PRKN: variants seen among roughly 807,000 people sequenced by gnomAD.
PRKN encodes parkin RBR E3 ubiquitin protein ligase.
In PRKN, 56 loss-of-function variants were observed where a neutral mutation model predicts 59.5. That is an observed-to-expected ratio of 0.94 (90% CI 0.76 to 1.18). PRKN has a LOEUF of 1.18. PRKN is among the 50% of genes most tolerant of loss of function. The pLI is 0.00. For synonymous variants in PRKN, 250 were observed against 222.1 expected, an observed-to-expected ratio of 1.13 and a Z score of -1.12; for missense variants, 657 against 596.4, an observed-to-expected ratio of 1.10 and a Z score of -1.06.
intron 7 of PRKN, among the ~76,000 whole-genome samples, chr6:161,758,741 C>A (rs2128197598): frequency 6.6e-6 from 1 of 152,240 alleles, no homozygotes; most frequent in African/African-American, 2.4e-5. Flanking sequence ...ATCAGGAAGT[C>A]AAAGCTCAGA....
intron 2 of PRKN, among the ~76,000 whole-genome samples, chr6:162,441,147 G>A (rs1032673185): frequency 6.6e-6 from 1 of 151,848 alleles, no homozygotes; most frequent in Non-Finnish European, 1.5e-5. Context: ...GTACTCAGCT[G>A]GCATCAACTC....
chr6:162,189,008 T>C (rs563661109), intron 4 of PRKN, among the ~76,000 whole-genome samples: 16 of 151,824 alleles, frequency 1.1e-4, no homozygotes, highest in South Asian at 8.4e-4. Flanking sequence ...TTGATTCCTA[T>C]TCTAATTATC....
At chr6:162,314,063 G>C (rs1782646261) in intron 2 of PRKN, among the ~76,000 whole-genome samples, 1 of 152,094 alleles carries the variant, frequency 6.6e-6, no homozygotes, top group African/African-American at 2.4e-5. Flanking sequence ...CACCACCCAA[G>C]TCAAGACACA....
Position 161,593,936 on chromosome 6 carries a change from G to C in PRKN, c.872-24520C>G, listed in dbSNP as rs1007882962. ...GGAGGCTGAGGTGGGCAGATCACGA[G>C]GTCAGGAGTTTGAGACCAGCCTGGC... On this transcript the variant is annotated intron_variant, in intron 7 of 11. Transcript: ENST00000366898. This position sits in a 1 kb window ranked among gnomAD's most constrained non-coding sequence, Gnocchi z 4.8. Among the ~76,000 whole-genome samples the C allele has an allele frequency of 4.6e-5, 7 of 151,778 alleles. No individual in the cohort carries two copies. The highest frequency in any genetic ancestry group is 1.0e-4 in the Non-Finnish European group (7 of 67,968).
At chr6:162,180,303 G>T (rs1783744070) in intron 4 of PRKN, among the ~76,000 whole-genome samples, 1 of 152,082 alleles carries the variant, frequency 6.6e-6, no homozygotes, top group South Asian at 2.1e-4. Context: ...TAATTGCATT[G>T]TGTGTAACTC....
chr6:162,613,298 C>G (rs2128219301), intron 1 of PRKN, among the ~76,000 whole-genome samples: 1 of 152,184 alleles, frequency 6.6e-6, no homozygotes, highest in East Asian at 1.9e-4. Context: ...CCAAAGTAAA[C>G]CTGTTTTTTA....
In PRKN at chr6:162,018,894, T is replaced by C. The variant is rs141073758; in HGVS notation, c.618+35197A>G. On this transcript the variant is annotated intron_variant, in intron 5 of 11. Coordinates refer to ENST00000366898, the MANE Select transcript of PRKN (RefSeq NM_004562.3). ...CACTACACTTAGCAAGTCACCTGTT[T>C]TTATATTATTATTTTCTCATAATTT... is the stretch of plus-strand genomic sequence containing the variant. Among the ~76,000 whole-genome samples the C allele has an allele frequency of 2.3e-3, 354 of 152,306 alleles. 4 individuals are homozygous for C. Among genetic ancestry groups the C allele is most frequent in the African/African-American group, 8.0e-3 (332 of 41,560 alleles).
chr6:161,450,662 T>C (rs1350359889), intron 9 of PRKN, among the ~76,000 whole-genome samples: 4 of 152,116 alleles, frequency 2.6e-5, no homozygotes, highest in Admixed American at 2.6e-4. Context: ...GTTCAAGTGA[T>C]TCTCCTGCCT....
intron 1 of PRKN, among the ~76,000 whole-genome samples, chr6:162,573,194 C>G (rs1780420719): frequency 1.3e-5 from 2 of 152,166 alleles, no homozygotes; most frequent in Admixed American, 6.5e-5. Context: ...CTGAATCACT[C>G]ATTCCAATGG....
chr6:162,201,198 CTT>C lies in PRKN; in HGVS notation c.465_466del (p.Arg156SerfsTer29), dbSNP rs764358789. The C allele has an allele frequency of 6.2e-7, 1 of 1,614,076 alleles. No homozygotes were observed. The highest frequency in any genetic ancestry group is 8.5e-7 in the Non-Finnish European group (1 of 1,179,950). ...TACCCTGAGTTTTCCCGGCTGCACT[CTT>C]TGACAGGGGCCTTTGCAATACACAT... On this transcript the variant is annotated frameshift_variant, in exon 4 of 12. Transcript: ENST00000366898. LOFTEE classifies it high-confidence loss of function.
At chr6:162,100,545 G>A (rs540724292) in intron 4 of PRKN, among the ~76,000 whole-genome samples, 54 of 151,264 alleles carry the variant, frequency 3.6e-4, no homozygotes, top group African/African-American at 1.2e-3. Context: ...GAGTTCAAGC[G>A]ATTCTCCTGC....
intron 1 of PRKN, among the ~76,000 whole-genome samples, chr6:162,629,746 T>A (rs1229328416): frequency 6.6e-6 from 1 of 152,168 alleles, no homozygotes; most frequent in Non-Finnish European, 1.5e-5. Flanking sequence ...GTATTTCATA[T>A]AAGCCATATC....
chr6:162,152,314 A>G (rs1273508864), intron 4 of PRKN, among the ~76,000 whole-genome samples: 1 of 152,148 alleles, frequency 6.6e-6, no homozygotes, highest in Non-Finnish European at 1.5e-5. Context: ...ATTTTCATCC[A>G]AAGTCACCTC....
At chr6:161,969,344 G>GGTA (rs1038473843) in intron 6 of PRKN, among the ~76,000 whole-genome samples, 4 of 150,408 alleles carry the variant, frequency 2.7e-5, no homozygotes, top group Non-Finnish European at 5.9e-5. Context: ...AGACAGCCAA[G>GGTA]GTACCCAAGG....
rs1273758413 is a variant in PRKN at position 161,407,808 on chromosome 6, A to G, written c.1084-20931T>C. ...TATGACTTGTTCTGGCCCTGCCCCA[A>G]CTGATCAGTTGACCTTGTGACATTC... On this transcript the variant is annotated intron_variant, in intron 9 of 11. Transcript: ENST00000366898. This position sits in a 1 kb window ranked among gnomAD's most constrained non-coding sequence, Gnocchi z 4.9. Among the ~76,000 whole-genome samples the G allele has an allele frequency of 6.6e-6, 1 of 152,130 alleles. No homozygotes were observed. The highest frequency in any genetic ancestry group is 1.5e-5 in the Non-Finnish European group (1 of 68,020).
intron 1 of PRKN, among the ~76,000 whole-genome samples, chr6:162,615,879 T>C (rs1048120181): frequency 6.6e-6 from 1 of 152,228 alleles, no homozygotes; most frequent in Admixed American, 6.5e-5. Flanking sequence ...TCAGAAGGAC[T>C]TACTGATCAC....
chr6:161,440,270 C>T lies in PRKN; in HGVS notation c.1084-53393G>A, dbSNP rs1789146603. On this transcript the variant is annotated intron_variant, in intron 9 of 11. Transcript: ENST00000366898. The surrounding 1 kb of genome is among the most constrained non-coding windows in gnomAD (Gnocchi z 4.1). Reference sequence around the variant, plus strand: ...GCCTGGCCTGGCCCTAAGTTTTTACCCTTCCCATTATGTCAGAAGTTCTCA... The same window carrying T: ...GCCTGGCCTGGCCCTAAGTTTTTACTCTTCCCATTATGTCAGAAGTTCTCA... 6.6e-6 allele frequency among the ~76,000 whole-genome samples: 1 copy of T among 152,120 alleles called. No homozygotes were observed.
intron 1 of PRKN, among the ~76,000 whole-genome samples, chr6:162,683,558 T>G (rs1415201532): frequency 6.6e-6 from 1 of 152,170 alleles, no homozygotes; most frequent in Admixed American, 6.6e-5. Flanking sequence ...AAAGTAACTA[T>G]AAGTCATTAG....
rs9355354 is a variant in PRKN, at chr6:161,607,110, A to T, written c.872-37694T>A. ...ACACCTCCCCACCACTGGGCAGGACATTATTGTAGACTTTCTATCTGCAGT... is the reference window on the plus strand; with the variant it reads ...ACACCTCCCCACCACTGGGCAGGACTTTATTGTAGACTTTCTATCTGCAGT... On this transcript the variant is annotated intron_variant, in intron 7 of 11. Transcript: ENST00000366898. 1.3e-3 allele frequency among the ~76,000 whole-genome samples: 191 copies of T among 152,240 alleles called. 1 individual carries two copies. The East Asian group carries it at 0.027, about 21-fold the overall frequency.
Sources: allele counts gnomAD v4.1 joint callset (sites outside exome capture counted in the v4.1 genomes callset), GRCh38; gene constraint gnomAD v4.1.1; non-coding constraint Gnocchi (gnomAD v3.1); transcripts MANE v1.5; gene names NCBI Gene and HGNC (gene_info 2026-07-23, HGNC 2026-07-21).